Variants in MAN1A1 observed in about 807,000 individuals in gnomAD.
The protein encoded by MAN1A1 is mannosidase alpha class 1A member 1.
In MAN1A1, 29 loss-of-function variants were observed where a neutral mutation model predicts 70.8. The ratio of observed to expected loss-of-function variants is 0.41; its 90% confidence interval spans 0.31 to 0.56. The LOEUF (loss-of-function observed/expected upper bound fraction) is 0.56. Ranked by LOEUF, MAN1A1 falls within the 20% of genes least tolerant of loss-of-function variation. The pLI, the probability that MAN1A1 is intolerant of heterozygous loss-of-function variation, is 0.29. For synonymous variants in MAN1A1, 349 were observed against 330.1 expected (o/e 1.06, Z -0.62); for missense variants, 747 against 841.3 (o/e 0.89, Z 1.39).
intron 4 of MAN1A1, among the ~76,000 whole-genome samples, chr6:119,297,756 T>C (rs1485090492): frequency 5.2e-5 from 5 of 95,296 alleles, no homozygotes; most frequent in African/African-American, 1.6e-4. Flanking sequence ...TTTTTTTTTT[T>C]TGAGATGGAG....
intron 8 of MAN1A1, among the ~76,000 whole-genome samples, chr6:119,197,936 C>T (rs1008406837): frequency 6.6e-6 from 1 of 152,168 alleles, no homozygotes; most frequent in African/African-American, 2.4e-5. Context: ...GTACAACTGG[C>T]TCCTTCTGTC....
chr6:119,292,560 T>C (rs1043313090), intron 4 of MAN1A1, among the ~76,000 whole-genome samples: 2 of 152,016 alleles, frequency 1.3e-5, no homozygotes, highest in African/African-American at 2.4e-5. Flanking sequence ...TATGTATTAA[T>C]TTTATCCTTA....
chr6:119,322,189 C>T (rs940939798), intron 2 of MAN1A1, among the ~76,000 whole-genome samples: 1 of 152,212 alleles, frequency 6.6e-6, no homozygotes, highest in African/African-American at 2.4e-5. Flanking sequence ...CCCACAGCTA[C>T]ATGGCCTATA....
chr6:119,310,226 T>C (rs764003134), intron 2 of MAN1A1, among the ~76,000 whole-genome samples: 5 of 152,264 alleles, frequency 3.3e-5, no homozygotes, highest in Non-Finnish European at 5.9e-5. Flanking sequence ...TGCATATTTA[T>C]TGCTAGAACT....
chr6:119,179,696 A>G lies in MAN1A1; in HGVS notation c.*123T>C. On this transcript the variant is annotated 3_prime_UTR_variant, in exon 13 of 13. Transcript: ENST00000368468. ...GATAATAAACATAAAAGACTGCAAA[A>G]CAATTTAAGAACTTAATCACAGACC... 1.1e-6 allele frequency: 1 copy of G among 886,754 alleles called. No individual in the cohort carries two copies. The highest frequency in any genetic ancestry group is 1.7e-6 in the Non-Finnish European group (1 of 589,440). 54.9% of individuals were successfully genotyped at this position (886,754 alleles called of 1,614,324 possible). A position where few individuals can be genotyped will look rare whatever the true frequency, so the allele number is the denominator to read the frequency against.
At chr6:119,270,875 C>T (rs1775904212) in intron 5 of MAN1A1, among the ~76,000 whole-genome samples, 1 of 152,192 alleles carries the variant, frequency 6.6e-6, no homozygotes, top group Non-Finnish European at 1.5e-5. Context: ...AAACTATGGT[C>T]ATCCCCTAAG....
chr6:119,270,790 T>C (rs1405218937), intron 5 of MAN1A1, among the ~76,000 whole-genome samples: 1 of 152,186 alleles, frequency 6.6e-6, no homozygotes, highest in African/African-American at 2.4e-5. Context: ...ATCCCTTGAG[T>C]TGGTCATTAA....
chr6:119,183,448 A>C (rs1205269409), intron 11 of MAN1A1, among the ~76,000 whole-genome samples: 1 of 152,130 alleles, frequency 6.6e-6, no homozygotes. Flanking sequence ...ATGTAGAATA[A>C]GCCAAAAATT....
chr6:119,225,630 G>A (rs548421582), intron 6 of MAN1A1, among the ~76,000 whole-genome samples: 1 of 152,154 alleles, frequency 6.6e-6, no homozygotes, highest in East Asian at 1.9e-4. Context: ...AGAAAATCTT[G>A]AAAGTACCCA....
At chr6:119,192,563 A>G (rs1773468932) in intron 9 of MAN1A1, among the ~76,000 whole-genome samples, 1 of 152,200 alleles carries the variant, frequency 6.6e-6, no homozygotes, top group Non-Finnish European at 1.5e-5. Context: ...ACCTCTTGTT[A>G]GAAAGACCAA....
At chr6:119,336,070 T>A (rs1047998137) in intron 2 of MAN1A1, among the ~76,000 whole-genome samples, 15 of 152,092 alleles carry the variant, frequency 9.9e-5, no homozygotes, top group African/African-American at 3.4e-4. Flanking sequence ...TCAAAATTTT[T>A]TTATTATTAT....
At chr6:119,226,281 A>G (rs915086513) in intron 6 of MAN1A1, among the ~76,000 whole-genome samples, 3 of 152,238 alleles carry the variant, frequency 2.0e-5, no homozygotes, top group Non-Finnish European at 2.9e-5. Flanking sequence ...CATGAGCTTC[A>G]TCCATGCATC....
intron 2 of MAN1A1, among the ~76,000 whole-genome samples, chr6:119,319,997 C>T (rs553356428): frequency 7.3e-5 from 11 of 151,688 alleles, no homozygotes; most frequent in East Asian, 2.0e-4. Context: ...TTTTAAGAGA[C>T]GGAGTCTTGC....
intron 6 of MAN1A1, among the ~76,000 whole-genome samples, chr6:119,233,144 T>C (rs1582719656): frequency 6.6e-6 from 1 of 152,290 alleles, no homozygotes; most frequent in South Asian, 2.1e-4. Flanking sequence ...ATGTTGTTCA[T>C]TTATCACTCT....
intron 7 of MAN1A1, among the ~76,000 whole-genome samples, chr6:119,202,169 A>G (rs914469425): frequency 6.6e-6 from 1 of 152,192 alleles, no homozygotes; most frequent in Non-Finnish European, 1.5e-5. Context: ...CCATTAGCTT[A>G]AAACACACTT....
chr6:119,275,640 C>T (rs1267516992), intron 5 of MAN1A1, among the ~76,000 whole-genome samples: 1 of 151,356 alleles, frequency 6.6e-6, no homozygotes, highest in East Asian at 1.9e-4. Context: ...CGGGGTTTCA[C>T]CATGTTGGCC....
At chr6:119,182,859 CT>C (rs750987986) in intron 11 of MAN1A1, among the ~76,000 whole-genome samples, 207 of 149,120 alleles carry the variant, frequency 1.4e-3, no homozygotes, top group African/African-American at 3.8e-3. Flanking sequence ...TTCTGTCCCT[CT>C]TTTTTTTTTA....
At chr6:119,198,244 G>A (rs1335432140) in intron 8 of MAN1A1, among the ~76,000 whole-genome samples, 2 of 152,140 alleles carry the variant, frequency 1.3e-5, no homozygotes, top group Non-Finnish European at 2.9e-5. Flanking sequence ...ACAAAAATTA[G>A]CTGGGTGTGG....
At chr6:119,331,570 CATATATATATAT>C (rs10562938) in intron 2 of MAN1A1, among the ~76,000 whole-genome samples, 19 of 117,972 alleles carry the variant, frequency 1.6e-4, no homozygotes, top group Non-Finnish European at 2.7e-4. Context: ...ACATATTATG[CATATATATATAT>C]ATATATATAT....
Sources: gnomAD v4.1 joint callset for allele counts (sites outside exome capture counted in the v4.1 genomes callset) on GRCh38, gnomAD v4.1.1 for gene constraint, MANE v1.5 for transcripts, NCBI Gene and HGNC (gene_info 2026-07-23, HGNC 2026-07-21) for gene names.